The following NPHP1 variants were observed in gnomAD, a reference collection of about 807,000 sequenced individuals.
The protein encoded by NPHP1 is nephrocystin-1.
A neutral mutation model predicts 90.4 loss-of-function variants in NPHP1; 70 were observed. The ratio of observed to expected loss-of-function variants is 0.77; its 90% confidence interval spans 0.64 to 0.95. NPHP1 has a LOEUF of 0.95. Among genes scored for constraint, NPHP1 ranks in the 40% least tolerant of loss-of-function variants. NPHP1 has a pLI of 0.00. For synonymous variants in NPHP1, 256 were observed against 271.7 expected, an observed-to-expected ratio of 0.94 and a Z score of 0.57; for missense variants, 764 against 795.9, an observed-to-expected ratio of 0.96 and a Z score of 0.48.
intron 2 of NPHP1, among the ~76,000 whole-genome samples, chr2:110,200,527 C>G (rs1685506368): frequency 6.6e-6 from 1 of 152,254 alleles, no homozygotes; most frequent in Non-Finnish European, 1.5e-5. Context: ...TGCGCCACTG[C>G]ACTCCAGCCT....
intron 15 of NPHP1, chr2:110,144,289 A>T (rs1680855063): frequency 7.0e-6 from 4 of 567,744 alleles, no homozygotes; most frequent in Admixed American, 3.1e-5. Context: ...TCATGATTTC[A>T]TTCTTCATGA....
chr2:110,131,599 A>G (rs1378436495), intron 17 of NPHP1, 80 bp downstream of exon 17: 3 of 816,860 alleles, frequency 3.7e-6, no homozygotes, highest in Non-Finnish European at 6.4e-6. Context: ...CCAGAAACAG[A>G]AGATACAAGA....
chr2:110,176,112 A>G (rs1683491507), intron 4 of NPHP1, among the ~76,000 whole-genome samples: 1 of 151,996 alleles, frequency 6.6e-6, no homozygotes, highest in African/African-American at 2.4e-5. Context: ...CTTTTCCTAT[A>G]AATTATTTAA....
chr2:110,172,181 A>G (rs1447747562), intron 4 of NPHP1, among the ~76,000 whole-genome samples: 1 of 152,152 alleles, frequency 6.6e-6, no homozygotes, highest in East Asian at 1.9e-4. Flanking sequence ...ACTTATTCAC[A>G]CAAGTTGTTC....
In NPHP1 at chr2:110,204,408, G is replaced by A. The variant is rs923079013; in HGVS notation, c.69+492C>T. ...CTTTGCTCATTTATCAGATCTTAAT[G>A]TTCTTGCATATTAAGACTATTTCTT... On this transcript the variant is annotated intron_variant, in intron 1 of 19. Transcript: ENST00000445609. 2.2e-4 allele frequency among the ~76,000 whole-genome samples: 34 copies of A among 152,208 alleles called. No homozygotes were observed. In the Middle Eastern group the frequency reaches 0.01, roughly 46 times the overall value.
At chr2:110,194,072 A>G (rs1684955877) in intron 2 of NPHP1, among the ~76,000 whole-genome samples, 1 of 152,174 alleles carries the variant, frequency 6.6e-6, no homozygotes, top group Non-Finnish European at 1.5e-5. Context: ...AATAAAATTG[A>G]CACCCTAATA....
intron 4 of NPHP1, among the ~76,000 whole-genome samples, chr2:110,172,395 T>A (rs1411040585): frequency 6.6e-6 from 1 of 152,286 alleles, no homozygotes; most frequent in East Asian, 1.9e-4. Context: ...TCTTTCCTGC[T>A]CTCCTTGGGT....
chr2:110,179,204 G>C (rs1453918306), intron 3 of NPHP1, among the ~76,000 whole-genome samples: 1 of 151,160 alleles, frequency 6.6e-6, no homozygotes, highest in Non-Finnish European at 1.5e-5. Context: ...TGTTCCTCTT[G>C]TTTCTGCAGA....
chr2:110,123,968 C>T lies in NPHP1; in HGVS notation c.1857G>A (p.Trp619Ter), dbSNP rs1473345628. Reference protein sequence around the residue: ...LHSTRLPPFRWAEEETETARW... With the variant: ...LHSTRLPPFR ...GTGCAGTCTCAGTCTCTTCTTCTGC[C>T]CACCTGAATGGGGGTAGGCGTGTGG... Residue 619 changes from tryptophan to a stop codon, truncating the protein, a stop_gained, in exon 20 of 20, where the codon TGG (tryptophan) becomes TGA (stop). Transcript: ENST00000445609. LOFTEE classifies it high-confidence loss of function. 1.9e-6 allele frequency: 3 copies of T among 1,613,966 alleles called. No individual in the cohort carries two copies. In the African/African-American group the frequency reaches 4.0e-5, roughly 22 times the overall value.
At chr2:110,196,597 G>A (rs1177957222) in intron 2 of NPHP1, among the ~76,000 whole-genome samples, 4 of 152,260 alleles carry the variant, frequency 2.6e-5, no homozygotes, top group Admixed American at 1.3e-4. Context: ...TCAGTGTGGC[G>A]ATTCCTCAGG....
intron 11 of NPHP1, 78 bp downstream of exon 11, chr2:110,160,049 G>A: frequency 6.9e-7 from 1 of 1,444,338 alleles, no homozygotes; most frequent in Non-Finnish European, 9.7e-7. Context: ...AATTGGGGAG[G>A]AGTTGAATGG....
chr2:110,192,523 A>G (rs1684828817), intron 2 of NPHP1, among the ~76,000 whole-genome samples: 1 of 152,212 alleles, frequency 6.6e-6, no homozygotes, highest in African/African-American at 2.4e-5. Flanking sequence ...GATCAAATCT[A>G]CATCTGATTG....
chr2:110,124,980 G>T (rs1473698257), intron 19 of NPHP1: 2 of 421,416 alleles, frequency 4.7e-6, no homozygotes, highest in Non-Finnish European at 4.2e-6. Flanking sequence ...GGCCAAATGT[G>T]GACTCTCACC....
intron 11 of NPHP1, among the ~76,000 whole-genome samples, chr2:110,154,534 A>G (rs1681743707): frequency 6.6e-6 from 1 of 152,302 alleles, no homozygotes; most frequent in South Asian, 2.1e-4. Flanking sequence ...AAACTTGCTG[A>G]ATGGCTTTTT....
Position 110,150,177 on chromosome 2 carries a change from C to T in NPHP1, c.1158+5G>A. The T allele has an allele frequency of 1.2e-6, 2 of 1,610,312 alleles. No individual in the cohort carries two copies. The highest frequency in any genetic ancestry group is 1.1e-5 in the South Asian group (1 of 91,018). On this transcript the variant is annotated splice_donor_5th_base_variant and intron_variant, in intron 12 of 19. Transcript: ENST00000445609. The stretch of plus-strand genomic sequence containing the variant: ...CTCACTCCACTCATTCAGCAGATTA[C>T]TTACCTGGGGAGAAAAGGTCCATGT...
In NPHP1 at chr2:110,129,108, T is replaced by A; in HGVS notation, c.1716+78A>T. On this transcript the variant is annotated intron_variant, in intron 18 of 19. Coordinates refer to ENST00000445609, the MANE Select transcript of NPHP1 (RefSeq NM_001128178.3). ...CATCCTAGTAACAAAAAAAAAGGCC[T>A]AGACAGAACTCATTAACACAGAGTG... 6.0e-6 allele frequency: 4 copies of A among 671,582 alleles called. No homozygotes were observed. In the South Asian group the frequency reaches 6.3e-5, roughly 11 times the overall value. The allele number at this position is 671,582 out of a possible 1,614,324, so 41.6% of individuals were successfully genotyped here.
At position 110,125,530 on chromosome 2, in the gene NPHP1, G is replaced by A; in HGVS notation, c.1761+107C>T. On this transcript the variant is annotated intron_variant, in intron 19 of 19. Coordinates refer to ENST00000445609, the MANE Select transcript of NPHP1 (RefSeq NM_001128178.3). ...ATGAAACAGTTTCCCTGGTTAAGAG[G>A]GATTATGACTATGGCTACTTTTGCT... is the stretch of plus-strand genomic sequence containing the variant. The A allele has an allele frequency of 4.1e-6, 5 of 1,214,054 alleles. No homozygotes were observed. In the South Asian group the frequency reaches 6.0e-5, roughly 15 times the overall value. 75.2% of individuals were successfully genotyped at this position (1,214,054 alleles called of 1,614,324 possible).
At chr2:110,134,339 G>C (rs1158108477) in intron 16 of NPHP1, among the ~76,000 whole-genome samples, 1 of 151,896 alleles carries the variant, frequency 6.6e-6, no homozygotes. Flanking sequence ...GATTGAATCA[G>C]TAATTTAAAA....
At chr2:110,145,881 A>G (rs993476271) in intron 14 of NPHP1, among the ~76,000 whole-genome samples, 1 of 152,206 alleles carries the variant, frequency 6.6e-6, no homozygotes, top group African/African-American at 2.4e-5. Context: ...CTCTAGGATG[A>G]TGTCAAAGGA....
Sources: gnomAD v4.1 joint callset for allele counts (sites outside exome capture counted in the v4.1 genomes callset) on GRCh38, gnomAD v4.1.1 for gene constraint, MANE v1.5 for transcripts, NCBI Gene and HGNC (gene_info 2026-07-23, HGNC 2026-07-21) for gene names.